Variants in NPFFR2 observed in about 807,000 individuals in gnomAD.
NPFFR2 encodes G-protein coupled receptor 74.
NPFFR2 carries 15 observed loss-of-function variants against 13.1 expected under a neutral mutation model. The observed-to-expected ratio is 1.15, with a 90% CI of 0.77 to 1.76. NPFFR2 has a LOEUF of 1.76. Among genes scored for constraint, NPFFR2 ranks in the 40% most tolerant of loss-of-function variants. NPFFR2 has a pLI of 0.00. For missense variants in NPFFR2, 572 were observed against 503.5 expected (o/e 1.14, Z -1.30); for synonymous variants, 190 against 175.7 (o/e 1.08, Z -0.65).
chr4:72,119,756 A>G (rs190303918), intron 1 of NPFFR2, among the ~76,000 whole-genome samples: 36 of 152,318 alleles, frequency 2.4e-4, no homozygotes, highest in Non-Finnish European at 2.2e-4. Context: ...CCCAAATACT[A>G]CACTTTTCCC....
intron 1 of NPFFR2, among the ~76,000 whole-genome samples, chr4:72,118,722 T>G (rs538547800): frequency 2.0e-5 from 3 of 152,274 alleles, no homozygotes; most frequent in Non-Finnish European, 4.4e-5. Context: ...ATTTAACAAA[T>G]ACTTATTGAG....
intron 1 of NPFFR2, among the ~76,000 whole-genome samples, chr4:72,065,632 G>T (rs1380652831): frequency 6.6e-6 from 1 of 152,144 alleles, no homozygotes; most frequent in African/African-American, 2.4e-5. Context: ...AGCCAAAGTG[G>T]TTTATTTGCT....
chr4:72,083,576 G>A (rs1207871381), intron 1 of NPFFR2, among the ~76,000 whole-genome samples: 6 of 152,020 alleles, frequency 3.9e-5, no homozygotes, highest in Admixed American at 6.6e-5. Context: ...CTCACTTTCT[G>A]TTCTCAATTT....
At chr4:72,100,944 T>G (rs1217214459) in intron 1 of NPFFR2, among the ~76,000 whole-genome samples, 27 of 152,044 alleles carry the variant, frequency 1.8e-4, no homozygotes, top group Non-Finnish European at 2.9e-5. Context: ...TTTCTATGCA[T>G]TTTCCATCAT....
At chr4:72,042,313 A>C (rs1435921137) in intron 1 of NPFFR2, among the ~76,000 whole-genome samples, 1 of 152,226 alleles carries the variant, frequency 6.6e-6, no homozygotes, top group Non-Finnish European at 1.5e-5. Flanking sequence ...TGAGTCAATT[A>C]AACCTGTTTC....
chr4:72,130,975 CG>C (rs1722221155), intron 2 of NPFFR2, among the ~76,000 whole-genome samples: 1 of 152,002 alleles, frequency 6.6e-6, no homozygotes, highest in Admixed American at 6.5e-5. Context: ...AGAGCTGGAA[CG>C]GGGATGGAGT....
intron 3 of NPFFR2, among the ~76,000 whole-genome samples, chr4:72,144,302 C>A (rs927768219): frequency 1.3e-5 from 2 of 152,078 alleles, no homozygotes; most frequent in African/African-American, 4.8e-5. Context: ...AGGGCTCTGA[C>A]GGTTTGTGTC....
intron 1 of NPFFR2, among the ~76,000 whole-genome samples, chr4:72,039,880 C>G (rs1367219525): frequency 6.6e-6 from 1 of 152,104 alleles, no homozygotes; most frequent in East Asian, 1.9e-4. Context: ...TACTCATGTC[C>G]TTACAGCAAT....
At chr4:72,056,713 T>A (rs1719756068) in intron 1 of NPFFR2, among the ~76,000 whole-genome samples, 1 of 152,016 alleles carries the variant, frequency 6.6e-6, no homozygotes, top group Non-Finnish European at 1.5e-5. Context: ...AGTCAAAATG[T>A]TAACATTAAC....
At chr4:72,079,329 A>G (rs894788173) in intron 1 of NPFFR2, among the ~76,000 whole-genome samples, 34 of 152,132 alleles carry the variant, frequency 2.2e-4, no homozygotes, top group African/African-American at 7.0e-4. Flanking sequence ...TTCCTATTGA[A>G]AAAAACATTG....
chr4:72,068,251 G>A (rs1175390910), intron 1 of NPFFR2, among the ~76,000 whole-genome samples: 3 of 152,220 alleles, frequency 2.0e-5, no homozygotes, highest in East Asian at 1.9e-4. Flanking sequence ...TCAAGATGTG[G>A]GCAGGTTAGT....
chr4:72,032,285 A>G (rs1718946323), intron 1 of NPFFR2, 85 bp downstream of exon 1: 3 of 1,372,944 alleles, frequency 2.2e-6, no homozygotes, highest in Admixed American at 2.7e-5. Flanking sequence ...TTGATGACAC[A>G]TATTAGCGAT....
intron 1 of NPFFR2, among the ~76,000 whole-genome samples, chr4:72,048,303 A>G (rs1025612614): frequency 8.5e-5 from 13 of 152,136 alleles, no homozygotes; most frequent in Non-Finnish European, 5.9e-5. Context: ...TTTCAGGAAT[A>G]GAGAATAAGT....
intron 1 of NPFFR2, among the ~76,000 whole-genome samples, chr4:72,099,401 A>G (rs1334650056): frequency 6.6e-6 from 1 of 152,168 alleles, no homozygotes; most frequent in African/African-American, 2.4e-5. Flanking sequence ...ATAAAGGAAT[A>G]CTTGACACTG....
intron 3 of NPFFR2, among the ~76,000 whole-genome samples, chr4:72,142,492 A>T (rs913501228): frequency 4.6e-5 from 7 of 152,162 alleles, no homozygotes; most frequent in Non-Finnish European, 8.8e-5. Flanking sequence ...GGAAATGCAG[A>T]AATAACCCAT....
intron 2 of NPFFR2, among the ~76,000 whole-genome samples, chr4:72,136,933 C>T (rs1317160847): frequency 2.0e-5 from 3 of 152,140 alleles, no homozygotes; most frequent in Non-Finnish European, 4.4e-5. Context: ...CTCTTTTATC[C>T]TACACCTATC....
intron 1 of NPFFR2, among the ~76,000 whole-genome samples, chr4:72,046,225 T>C (rs1281529969): frequency 2.0e-5 from 3 of 152,172 alleles, no homozygotes; most frequent in African/African-American, 7.2e-5. Context: ...GATAATGCTA[T>C]GGTTTGGAAG....
At chr4:72,127,807 C>T (rs1027880128) in intron 1 of NPFFR2, among the ~76,000 whole-genome samples, 5 of 152,002 alleles carry the variant, frequency 3.3e-5, no homozygotes, top group African/African-American at 4.8e-5. Context: ...AGGCCACGCA[C>T]GGTGGCTCAT....
At position 72,064,012 on chromosome 4, in the gene NPFFR2, A is replaced by G. The variant is rs189402077; in HGVS notation, c.-8+31812A>G. Among the ~76,000 whole-genome samples, 888 of 152,340 alleles carry G rather than the reference A, an allele frequency of 5.8e-3. 6 individuals carry two copies. Among genetic ancestry groups the G allele is most frequent in the Middle Eastern group, 0.01 (3 of 294 alleles). On this transcript the variant is annotated intron_variant, in intron 1 of 3. Coordinates refer to ENST00000308744, the MANE Select transcript of NPFFR2 (RefSeq NM_004885.3). ...AAAAGGATGACAGTAATAAAAAGGA[A>G]CAGTATAAACAAAGGCATAGGGATG... is the stretch of plus-strand genomic sequence containing the variant.
Sources: gnomAD v4.1 joint callset for allele counts (sites outside exome capture counted in the v4.1 genomes callset) on GRCh38, gnomAD v4.1.1 for gene constraint, MANE v1.5 for transcripts, NCBI Gene and HGNC (gene_info 2026-07-23, HGNC 2026-07-21) for gene names.